NAV1: variants seen among roughly 807,000 people sequenced by gnomAD.
The protein encoded by NAV1 is neuron navigator 1.
A neutral mutation model predicts 175.2 loss-of-function variants in NAV1; 18 were observed. The observed-to-expected ratio is 0.10, with a 90% CI of 0.07 to 0.15. The LOEUF is 0.15. Among genes scored for constraint, NAV1 ranks in the 10% least tolerant of loss-of-function variants. The pLI is 1.00. For missense variants in NAV1, 1,731 were observed against 2,436.6 expected, an observed-to-expected ratio of 0.71 and a Z score of 6.10; for synonymous variants, 897 against 978.7, an observed-to-expected ratio of 0.92 and a Z score of 1.56.
At position 201,810,614 on chromosome 1, in the gene NAV1, C is replaced by T. The variant is rs778752814; in HGVS notation, c.4653C>T (p.His1551=). The T allele has an allele frequency of 1.9e-5, 30 of 1,614,046 alleles. No homozygotes were observed. Among genetic ancestry groups the T allele is most frequent in the Non-Finnish European group, 2.3e-5 (27 of 1,180,022 alleles). The stretch of plus-strand genomic sequence containing the variant: ...ACTACATAAGCCTCCTGCTGAAGCA[C>T]CGGCGCCTCGTCCTCTCGGGCCCCA... The change falls in exon 24 of 30, where the codon CAC becomes CAT. Residue 1551 remains histidine, a synonymous_variant. Coordinates refer to ENST00000367296, the Ensembl canonical transcript of NAV1. This position sits in a 1 kb window ranked among gnomAD's most constrained non-coding sequence, Gnocchi z 6.0.
intron 1 of NAV1, among the ~76,000 whole-genome samples, chr1:201,708,440 G>GCGCACACA (rs1553256953): frequency 1.5e-3 from 228 of 148,288 alleles, no homozygotes; most frequent in African/African-American, 5.5e-3. Context: ...CTACTTGCGC[G>GCGCACACA]CACACACACA....
intron 2 of NAV1, among the ~76,000 whole-genome samples, chr1:201,605,606 A>G (rs1489532645): frequency 6.6e-6 from 1 of 152,082 alleles, no homozygotes; most frequent in Non-Finnish European, 1.5e-5. Context: ...TTTTGTTTAG[A>G]CAGATGGGAC....
chr1:201,572,307 T>C (rs1431437849), intron 1 of NAV1, among the ~76,000 whole-genome samples: 1 of 152,042 alleles, frequency 6.6e-6, no homozygotes, highest in Non-Finnish European at 1.5e-5. Context: ...CATTGTGTGG[T>C]AGGCCAAGTT....
At chr1:201,648,138 C>A, upstream of NAV1, 1 of 608,064 alleles carries the variant, frequency 1.6e-6, no homozygotes, top group Non-Finnish European at 2.1e-6. Context: ...CCTGTTTGCT[C>A]CCCGCCTTCC....
chr1:201,810,745 A>G lies in NAV1; in HGVS notation c.4784A>G (p.Gln1595Arg). The G allele has an allele frequency of 1.2e-6, 2 of 1,613,830 alleles. No individual in the cohort carries two copies. Among genetic ancestry groups the G allele is most frequent in the Non-Finnish European group, 1.7e-6 (2 of 1,179,788 alleles). Residue 1595 changes from glutamine to arginine, a missense_variant, in exon 24 of 30, where the codon CAG becomes CGG. Around this residue, in one of 13 missense-constraint regions of NAV1, gnomAD observed 115 missense variants for 269.4 expected, o/e 0.43. Transcript: ENST00000367296. The surrounding 1 kb of genome is among the most constrained non-coding windows in gnomAD (Gnocchi z 6.0). ...ATCGTCAGCACCTTCAACATGCACC[A>G]GCAGTCTTGCAAGGTGGCTGCCCCC...
chr1:201,616,738 C>T (rs546039415), intron 2 of NAV1, among the ~76,000 whole-genome samples: 485 of 152,294 alleles, frequency 3.2e-3, no homozygotes, highest in Non-Finnish European at 5.1e-3. Context: ...CCACCTGCCT[C>T]GGCCTCCCAA....
At chr1:201,552,549 C>T (rs184943970) in intron 1 of NAV1, among the ~76,000 whole-genome samples, 6 of 152,204 alleles carry the variant, frequency 3.9e-5, no homozygotes, top group Admixed American at 3.3e-4. Flanking sequence ...CAGCCTGACC[C>T]GGGTTCCTAC....
At chr1:201,720,676 A>G (rs868487828) in intron 3 of NAV1, among the ~76,000 whole-genome samples, 38 of 152,260 alleles carry the variant, frequency 2.5e-4, no homozygotes, top group Non-Finnish European at 2.9e-4. Flanking sequence ...AAATGCAGAT[A>G]ACAGTAGAAC....
chr1:201,789,821 C>T (rs766596754), intron 11 of NAV1, 29 bp downstream of exon 15: 4 of 1,602,706 alleles, frequency 2.5e-6, no homozygotes, highest in Admixed American at 1.7e-5. Context: ...CTTCCCCTCT[C>T]ATCCCCTCCC....
At chr1:201,639,601 G>A (rs1038971988) in intron 2 of NAV1, among the ~76,000 whole-genome samples, 3 of 152,170 alleles carry the variant, frequency 2.0e-5, no homozygotes, top group African/African-American at 7.2e-5. Context: ...CTAGCCCCCT[G>A]ACTTTCTAGC....
intron 24 of NAV1, 130 bp from the exon 29 acceptor site, chr1:201,811,473 A>G: frequency 9.2e-7 from 1 of 1,088,250 alleles, no homozygotes; most frequent in Non-Finnish European, 1.4e-6. Context: ...ATCTGCTGTA[A>G]TCAAATTTGC....
chr1:201,580,875 G>C (rs765804871), intron 1 of NAV1, among the ~76,000 whole-genome samples: 20 of 152,188 alleles, frequency 1.3e-4, no homozygotes, highest in Non-Finnish European at 2.1e-4. Context: ...TCTTAGAGGA[G>C]GTAGGTTATG....
chr1:201,725,579 G>A (rs992184149), intron 3 of NAV1, among the ~76,000 whole-genome samples: 1 of 149,322 alleles, frequency 6.7e-6, no homozygotes, highest in African/African-American at 2.5e-5. Flanking sequence ...GAGTTGGGGC[G>A]GGGGGGCTAC....
At chr1:201,747,301 A>T (rs75184713) in intron 3 of NAV1, among the ~76,000 whole-genome samples, 2,075 of 152,152 alleles carry the variant, frequency 0.014, 117 homozygotes, top group Admixed American at 0.11. Context: ...GGCTTGGAAC[A>T]TTTTCCCATG....
chr1:201,627,365 CT>C (rs1259185397), intron 1 of NAV1, among the ~76,000 whole-genome samples: 1 of 152,062 alleles, frequency 6.6e-6, no homozygotes, highest in Non-Finnish European at 1.5e-5. Context: ...ATCCACCTCC[CT>C]GGTTCAAGCG....
chr1:201,644,729 GACA>G (rs1281207352), upstream of NAV1, among the ~76,000 whole-genome samples: 30 of 152,338 alleles, frequency 2.0e-4, no homozygotes, highest in African/African-American at 7.0e-4. Flanking sequence ...TTCTCTTATT[GACA>G]ACACTTTTTT....
At chr1:201,686,668 T>C (rs904842644) in intron 1 of NAV1, among the ~76,000 whole-genome samples, 2 of 152,230 alleles carry the variant, frequency 1.3e-5, no homozygotes, top group African/African-American at 2.4e-5. Flanking sequence ...CCCATTTGCT[T>C]ATTTCCATAG....
chr1:201,659,733 T>TG (rs1244240478), intron 1 of NAV1, among the ~76,000 whole-genome samples: 3 of 152,216 alleles, frequency 2.0e-5, no homozygotes, highest in Admixed American at 2.0e-4. Flanking sequence ...GAGAACTAGA[T>TG]GGGGACTAGC....
chr1:201,651,689 G>A (rs1669210599), intron 1 of NAV1, among the ~76,000 whole-genome samples: 1 of 152,122 alleles, frequency 6.6e-6, no homozygotes, highest in South Asian at 2.1e-4. Context: ...GATTGAGAGA[G>A]GAAGAGTCAG....
Sources: allele counts gnomAD v4.1 joint callset (sites outside exome capture counted in the v4.1 genomes callset), GRCh38; gene constraint gnomAD v4.1.1; regional missense constraint gnomAD v4.1.1; non-coding constraint Gnocchi (gnomAD v3.1); transcripts MANE v1.5; gene names NCBI Gene and HGNC (gene_info 2026-07-23, HGNC 2026-07-21).